The following POU6F2 variants were observed in gnomAD, a reference collection of about 807,000 sequenced individuals.
POU6F2 encodes the protein POU class 6 homeobox 2.
In POU6F2, 31 loss-of-function variants were observed where a neutral mutation model predicts 71.3. The ratio of observed to expected loss-of-function variants is 0.43; its 90% CI spans 0.33 to 0.59. POU6F2 has a LOEUF of 0.59. Among genes scored for constraint, POU6F2 ranks in the 20% least tolerant of loss-of-function variants. The probability of loss-of-function intolerance (pLI) is 0.04; values close to 1 mark genes in which losing one functional copy is unlikely to be tolerated. For missense variants in POU6F2, 783 were observed against 856.8 expected, an observed-to-expected ratio of 0.91 and a Z score of 1.07; for synonymous variants, 347 against 355.7, an observed-to-expected ratio of 0.98 and a Z score of 0.27.
At chr7:39,351,560 C>G (rs1786139687) in intron 5 of POU6F2, among the ~76,000 whole-genome samples, 2 of 152,116 alleles carry the variant, frequency 1.3e-5, no homozygotes, top group African/African-American at 4.8e-5. Context: ...ATTAGATGCC[C>G]CACTGCTGCT....
At chr7:39,021,369 A>AT (rs968680944) in intron 1 of POU6F2, among the ~76,000 whole-genome samples, 304 of 151,550 alleles carry the variant, frequency 2.0e-3, no homozygotes, top group African/African-American at 7.0e-3. Context: ...TACTTGGCCA[A>AT]TTTTTTTTCT....
At chr7:39,130,482 G>A (rs886577706) in intron 2 of POU6F2, among the ~76,000 whole-genome samples, 5 of 152,158 alleles carry the variant, frequency 3.3e-5, no homozygotes, top group Admixed American at 2.6e-4. Context: ...GTAAGCACAA[G>A]CAACCTGCTG....
At chr7:39,292,273 C>T (rs1315756244) in intron 4 of POU6F2, among the ~76,000 whole-genome samples, 1 of 152,230 alleles carries the variant, frequency 6.6e-6, no homozygotes, top group Non-Finnish European at 1.5e-5. Flanking sequence ...CCACCTCCAC[C>T]CTCTCTAAAA....
intron 4 of POU6F2, among the ~76,000 whole-genome samples, chr7:39,258,620 T>C (rs1030730330): frequency 6.6e-6 from 1 of 152,118 alleles, no homozygotes; most frequent in Non-Finnish European, 1.5e-5. Context: ...TTTAATAGCT[T>C]TTTTGACATT....
chr7:39,395,926 A>G (rs1231420820), intron 5 of POU6F2, among the ~76,000 whole-genome samples: 4 of 152,252 alleles, frequency 2.6e-5, no homozygotes, highest in Admixed American at 1.3e-4. Flanking sequence ...TTTAAACTGG[A>G]TGATAGAATA....
At chr7:39,278,919 T>C (rs1784510670) in intron 4 of POU6F2, among the ~76,000 whole-genome samples, 1 of 152,148 alleles carries the variant, frequency 6.6e-6, no homozygotes, top group Non-Finnish European at 1.5e-5. Context: ...CATTACCAAC[T>C]ACTTCCAACA....
chr7:39,314,698 AT>A (rs1318796955), intron 4 of POU6F2, among the ~76,000 whole-genome samples: 2 of 152,188 alleles, frequency 1.3e-5, no homozygotes, highest in Admixed American at 1.3e-4. Flanking sequence ...ACAAAAACTT[AT>A]TTTTTGTTGG....
At chr7:39,361,773 C>G (rs959310900) in intron 5 of POU6F2, among the ~76,000 whole-genome samples, 20 of 152,328 alleles carry the variant, frequency 1.3e-4, no homozygotes, top group African/African-American at 4.8e-4. Flanking sequence ...TTTCTCCTTA[C>G]TCGTGCTGTT....
chr7:39,141,833 A>G (rs1463603905), intron 2 of POU6F2, among the ~76,000 whole-genome samples: 1 of 152,218 alleles, frequency 6.6e-6, no homozygotes, highest in Admixed American at 6.5e-5. Flanking sequence ...CATGCCTGTA[A>G]TCCCAGCACT....
chr7:39,091,075 C>T (rs1007162395), intron 2 of POU6F2, among the ~76,000 whole-genome samples: 6 of 152,098 alleles, frequency 3.9e-5, no homozygotes, highest in East Asian at 3.9e-4. Context: ...GTAGATTCCC[C>T]GCCCCGCCCC....
intron 2 of POU6F2, among the ~76,000 whole-genome samples, chr7:39,099,490 A>G (rs1476593395): frequency 1.3e-5 from 2 of 152,240 alleles, no homozygotes; most frequent in East Asian, 3.8e-4. Context: ...TTAAATGTCC[A>G]GAGATCTTTC....
chr7:39,410,594 C>T (rs960719305), intron 6 of POU6F2, among the ~76,000 whole-genome samples: 1 of 152,082 alleles, frequency 6.6e-6, no homozygotes, highest in East Asian at 1.9e-4. Context: ...GGCTCTGTGA[C>T]GTCGGGCAAA....
chr7:39,340,395 C>T (rs1278150067), intron 5 of POU6F2, among the ~76,000 whole-genome samples: 1 of 152,214 alleles, frequency 6.6e-6, no homozygotes, highest in Non-Finnish European at 1.5e-5. Context: ...TGGAGAACTG[C>T]ATCTACTGTC....
At chr7:39,327,019 C>T (rs1274591941) in intron 4 of POU6F2, among the ~76,000 whole-genome samples, 1 of 152,172 alleles carries the variant, frequency 6.6e-6, no homozygotes, top group East Asian at 1.9e-4. Flanking sequence ...GAGGCTCACA[C>T]CTATAATCCC....
intron 2 of POU6F2, among the ~76,000 whole-genome samples, chr7:39,194,396 C>G (rs911319253): frequency 6.6e-5 from 10 of 152,228 alleles, no homozygotes; most frequent in African/African-American, 2.4e-4. Context: ...GTGAAGCCAG[C>G]TGGGCTTCTG....
rs981423865 is a variant in POU6F2, at chr7:39,466,170, G to C, written c.*1484G>C. On this transcript the variant is annotated 3_prime_UTR_variant, in exon 10 of 10. Coordinates refer to ENST00000518318, the MANE Select transcript of POU6F2 (RefSeq NM_001370959.1). ...TTTAAACAACTGGAATTGGGGGCCA[G>C]GTTCTTCAGGGGAAAGGAAGTTTGA... 6.6e-6 allele frequency: 1 copy of C among 152,190 alleles called. No homozygotes were observed. The highest frequency in any genetic ancestry group is 1.5e-5 in the Non-Finnish European group (1 of 68,044). 9.4% of individuals were successfully genotyped at this position (152,190 alleles called of 1,614,324 possible).
At chr7:39,413,138 G>C (rs1787591442) in intron 6 of POU6F2, among the ~76,000 whole-genome samples, 1 of 151,194 alleles carries the variant, frequency 6.6e-6, no homozygotes, top group Admixed American at 6.6e-5. Context: ...AGAGGGATAG[G>C]AGCCGCGGGA....
At chr7:39,010,230 C>T (rs1446476311) in intron 1 of POU6F2, among the ~76,000 whole-genome samples, 12 of 131,314 alleles carry the variant, frequency 9.1e-5, no homozygotes, top group Middle Eastern at 3.9e-3. Flanking sequence ...AGAGATTCAA[C>T]TTCTTCCTGG....
intron 5 of POU6F2, among the ~76,000 whole-genome samples, chr7:39,397,254 T>C (rs946520222): frequency 1.3e-5 from 2 of 151,794 alleles, no homozygotes; most frequent in African/African-American, 4.8e-5. Flanking sequence ...CTCTCAGGAC[T>C]GAGTCACCAG....
Sources: gnomAD v4.1 joint callset for allele counts (sites outside exome capture counted in the v4.1 genomes callset) on GRCh38, gnomAD v4.1.1 for gene constraint, MANE v1.5 for transcripts, NCBI Gene and HGNC (gene_info 2026-07-23, HGNC 2026-07-21) for gene names.